The following DENND1A variants were observed in gnomAD, a reference collection of about 807,000 sequenced individuals.
The protein encoded by DENND1A is DENN domain containing 1A.
A neutral mutation model predicts 113.7 loss-of-function variants in DENND1A; 51 were observed. That is an observed-to-expected ratio of 0.45 (90% CI 0.36 to 0.57). The LOEUF is 0.57. Ranked by LOEUF, DENND1A falls within the 20% of genes least tolerant of loss-of-function variation. The probability of loss-of-function intolerance (pLI) is 0.00; values close to 1 mark genes in which losing one functional copy is unlikely to be tolerated. For missense variants in DENND1A, 1,258 were observed against 1,395.9 expected, an observed-to-expected ratio of 0.90 and a Z score of 1.57; for synonymous variants, 565 against 570.8, an observed-to-expected ratio of 0.99 and a Z score of 0.14.
At chr9:123,735,932 G>C (rs1433175582) in intron 5 of DENND1A, among the ~76,000 whole-genome samples, 5 of 152,178 alleles carry the variant, frequency 3.3e-5, no homozygotes, top group Non-Finnish European at 1.5e-5. Context: ...CTGGGAGGCA[G>C]AGGTTGCAGT....
chr9:123,730,131 G>T (rs998560443), intron 5 of DENND1A, among the ~76,000 whole-genome samples: 1 of 152,192 alleles, frequency 6.6e-6, no homozygotes, highest in African/African-American at 2.4e-5. Flanking sequence ...AGACTTAAAT[G>T]TAAGACCTAA....
chr9:123,859,987 C>T (rs1844827368), intron 2 of DENND1A, among the ~76,000 whole-genome samples: 2 of 151,992 alleles, frequency 1.3e-5, no homozygotes, highest in Admixed American at 6.5e-5. Flanking sequence ...GTGGTCTCAG[C>T]TGTGTTTTTA....
chr9:123,920,383 C>T (rs1190318311), intron 1 of DENND1A, among the ~76,000 whole-genome samples: 1 of 151,684 alleles, frequency 6.6e-6, no homozygotes. Flanking sequence ...GAACCAAGAT[C>T]GTGCCACTGC....
rs369440256 is a variant in DENND1A at position 123,853,169 on chromosome 9, C to T, written c.88+25782G>A. ...TTCTGACCTCATGATCCGCCGGTCTCAGCCTCCCAAAGTGCTGGGATTACA... is the reference window on the plus strand; with the variant it reads ...TTCTGACCTCATGATCCGCCGGTCTTAGCCTCCCAAAGTGCTGGGATTACA... On this transcript the variant is annotated intron_variant, in intron 2 of 23. Transcript: ENST00000394215. 4.6e-4 allele frequency among the ~76,000 whole-genome samples: 69 copies of T among 151,376 alleles called. 1 individual carries two copies. Among genetic ancestry groups the T allele is most frequent in the African/African-American group, 1.6e-3 (68 of 41,332 alleles).
intron 6 of DENND1A, among the ~76,000 whole-genome samples, chr9:123,675,171 G>A (rs969438527): frequency 6.6e-6 from 1 of 152,024 alleles, no homozygotes; most frequent in Non-Finnish European, 1.5e-5. Context: ...GTGACCTCTG[G>A]AATACATTTG....
At chr9:123,500,570 A>T (rs539301590) in intron 13 of DENND1A, among the ~76,000 whole-genome samples, 8 of 152,248 alleles carry the variant, frequency 5.3e-5, no homozygotes, top group African/African-American at 1.9e-4. Flanking sequence ...TGCTCTCTCA[A>T]ATGGAGTTAA....
chr9:123,665,781 T>C (rs751074695), intron 8 of DENND1A, among the ~76,000 whole-genome samples: 4 of 152,042 alleles, frequency 2.6e-5, no homozygotes, highest in Non-Finnish European at 5.9e-5. Context: ...AGCCAAAGGG[T>C]AAAAACAATA....
chr9:123,383,316 T>G (rs995443777), intron 23 of DENND1A, among the ~76,000 whole-genome samples: 2 of 152,228 alleles, frequency 1.3e-5, no homozygotes, highest in Admixed American at 6.5e-5. Context: ...CAAGGAGCCC[T>G]GGCAGGGATG....
At chr9:123,754,722 T>A (rs1461294102) in intron 5 of DENND1A, among the ~76,000 whole-genome samples, 1 of 152,208 alleles carries the variant, frequency 6.6e-6, no homozygotes, top group Non-Finnish European at 1.5e-5. Context: ...TCTAACCTAC[T>A]ATAACAGATT....
intron 18 of DENND1A, among the ~76,000 whole-genome samples, chr9:123,442,762 T>G (rs571971149): frequency 6.6e-6 from 1 of 152,354 alleles, no homozygotes; most frequent in East Asian, 1.9e-4. Flanking sequence ...CGTCTAGTTT[T>G]GTTTTTCCCA....
chr9:123,805,699 A>G (rs1177082333), intron 2 of DENND1A, among the ~76,000 whole-genome samples: 1 of 151,984 alleles, frequency 6.6e-6, no homozygotes, highest in African/African-American at 2.4e-5. Context: ...CTCCGAAAGC[A>G]CTGGGATTAC....
At chr9:123,556,506 A>G (rs1170574314) in intron 13 of DENND1A, among the ~76,000 whole-genome samples, 1 of 152,266 alleles carries the variant, frequency 6.6e-6, no homozygotes, top group Non-Finnish European at 1.5e-5. Context: ...TAAAGAATGC[A>G]TTGTCTCACA....
At chr9:123,529,713 C>A (rs1302664475) in intron 13 of DENND1A, among the ~76,000 whole-genome samples, 1 of 152,230 alleles carries the variant, frequency 6.6e-6, no homozygotes, top group Non-Finnish European at 1.5e-5. Context: ...CACATGACAT[C>A]CCACAGTCTG....
chr9:123,572,109 A>C (rs1366327186), intron 12 of DENND1A, among the ~76,000 whole-genome samples: 1 of 152,240 alleles, frequency 6.6e-6, no homozygotes, highest in Non-Finnish European at 1.5e-5. Context: ...ATCAAGATAC[A>C]GACGGTCCAT....
At chr9:123,505,666 G>A (rs1472387264) in intron 13 of DENND1A, among the ~76,000 whole-genome samples, 8 of 152,056 alleles carry the variant, frequency 5.3e-5, no homozygotes, top group Non-Finnish European at 1.2e-4. Context: ...CAGATGCTTT[G>A]TTTATCAGCC....
At chr9:123,495,579 C>T (rs1464017311) in intron 13 of DENND1A, among the ~76,000 whole-genome samples, 5 of 152,218 alleles carry the variant, frequency 3.3e-5, no homozygotes, top group African/African-American at 1.2e-4. Flanking sequence ...GCCCATGATA[C>T]TTCTACATCT....
At chr9:123,809,688 A>G (rs187001554) in intron 2 of DENND1A, among the ~76,000 whole-genome samples, 1,601 of 152,226 alleles carry the variant, frequency 0.011, 23 homozygotes, top group Non-Finnish European at 0.016. Context: ...ATGTCATTCT[A>G]TTTATGCCTT....
chr9:123,885,299 A>G (rs1848903679), intron 1 of DENND1A, among the ~76,000 whole-genome samples: 1 of 152,212 alleles, frequency 6.6e-6, no homozygotes, highest in East Asian at 1.9e-4. Flanking sequence ...GTTGAGAACC[A>G]CTGGTGTGTC....
intron 13 of DENND1A, among the ~76,000 whole-genome samples, chr9:123,485,295 G>C (rs955038729): frequency 6.6e-6 from 1 of 152,202 alleles, no homozygotes; most frequent in Non-Finnish European, 1.5e-5. Context: ...GAGTCACAAG[G>C]CTTAGCAGGT....
Sources: gnomAD v4.1 joint callset for allele counts (sites outside exome capture counted in the v4.1 genomes callset) on GRCh38, gnomAD v4.1.1 for gene constraint, MANE v1.5 for transcripts, NCBI Gene and HGNC (gene_info 2026-07-23, HGNC 2026-07-21) for gene names.